Variants in SYN1 observed in about 807,000 individuals in gnomAD.
SYN1 encodes the protein synapsin-1.
A neutral mutation model predicts 44.6 loss-of-function variants in SYN1; 8 were observed. The observed-to-expected ratio is 0.18, with a 90% CI of 0.11 to 0.32. SYN1 has a LOEUF of 0.32. SYN1 is among the 10% of genes least tolerant of loss of function. The probability of loss-of-function intolerance (pLI) is 1.00; values close to 1 mark genes in which losing one functional copy is unlikely to be tolerated. For synonymous variants in SYN1, 275 were observed against 280.1 expected, an observed-to-expected ratio of 0.98 and a Z score of 0.18; for missense variants, 451 against 639.4, an observed-to-expected ratio of 0.71 and a Z score of 3.18.
chrX:47,619,593 G>C lies in SYN1; in HGVS notation c.136C>G (p.Pro46Ala). ...GAHSPGATPG[P>A]GTATAERSSG... The stretch of plus-strand genomic sequence containing the variant: ...GACCTCTCGGCAGTGGCGGTCCCGG[G>C]ACCGGGCGTGGCTCCGGGGCTGTGG... Residue 46 changes from proline to alanine, a missense_variant, in exon 1 of 13, where the codon CCC (proline) becomes GCC (alanine). Transcript: ENST00000295987. 1 of 1,160,823 alleles carries C rather than the reference G, an allele frequency of 8.6e-7. No homozygotes were observed. The highest frequency in any genetic ancestry group is 1.2e-6 in the Non-Finnish European group (1 of 869,384).
At chrX:47,588,305 G>A (rs1603061411) in intron 5 of SYN1, among the ~76,000 whole-genome samples, 2 of 112,914 alleles carry the variant, frequency 1.8e-5, no homozygotes, top group South Asian at 7.2e-4. Flanking sequence ...CCTTGTCAAT[G>A]TTCCCTCAGC....
In SYN1 at chrX:47,574,439, G is replaced by A; in HGVS notation, c.1545C>T (p.Pro515=). The part of the protein sequence containing the change: ...PQRLPSPTSA[P]QQPASQAAPP... ...GCGCGGCCTGGGACGCGGGCTGCTG[G>A]GGCGCTGAGGTGGGACTTGGAAGGC... The change falls in exon 12 of 13, where the codon CCC becomes CCT. Residue 515 remains proline, a synonymous_variant. Transcript: ENST00000295987. The A allele has an allele frequency of 9.5e-7, 1 of 1,047,352 alleles. No homozygotes were observed. 86.3% of individuals were successfully genotyped at this position (1,047,352 alleles called of 1,213,427 possible). A position where few individuals can be genotyped will look rare whatever the true frequency, so the allele number is the denominator to read the frequency against.
At chrX:47,573,112 G>C (rs904821809) in intron 12 of SYN1, 113 bp from the exon 13 acceptor site, 51 of 1,016,784 alleles carry the variant, frequency 5.0e-5, no homozygotes, top group Middle Eastern at 3.5e-4. Flanking sequence ...CTCTGATCCT[G>C]GGGCTGTGCC....
At position 47,619,824 on chromosome X, in the gene SYN1, C is replaced by G. The variant is rs766446885; in HGVS notation, c.-96G>C. 1.1e-6 allele frequency: 1 copy of G among 927,530 alleles called. No individual in the cohort carries two copies. The highest frequency in any genetic ancestry group is 1.5e-6 in the Non-Finnish European group (1 of 683,340). 76.4% of individuals were successfully genotyped at this position (927,530 alleles called of 1,213,427 possible). A position where few individuals can be genotyped will look rare whatever the true frequency, so the allele number is the denominator to read the frequency against. ...CCAGGAGCACAGCTGCGCTCTCAGG[C>G]ACGACACGACTCCTCCGCTGCCCAC... On this transcript the variant is annotated 5_prime_UTR_variant, in exon 1 of 13. Transcript: ENST00000295987.
chrX:47,586,146 T>G (rs2147919572), intron 5 of SYN1: 1 of 941,163 alleles, frequency 1.1e-6, no homozygotes, highest in East Asian at 6.1e-5. Flanking sequence ...TGATGGCCTC[T>G]GAGCCCAGTG....
At chrX:47,593,339 A>G (rs1294943351) in intron 5 of SYN1, among the ~76,000 whole-genome samples, 1 of 105,875 alleles carries the variant, frequency 9.4e-6, no homozygotes, top group African/African-American at 3.5e-5. Flanking sequence ...GCATGATCTC[A>G]GCTCACTCAA....
At chrX:47,614,570 T>C in intron 1 of SYN1, among the ~76,000 whole-genome samples, 1 of 112,215 alleles carries the variant, frequency 8.9e-6, no homozygotes, top group African/African-American at 3.2e-5. Context: ...GGAAATGCCG[T>C]TCCCCAATGG....
At chrX:47,604,001 G>A (rs952128887) in intron 5 of SYN1, among the ~76,000 whole-genome samples, 2 of 105,197 alleles carry the variant, frequency 1.9e-5, no homozygotes, top group East Asian at 2.9e-4. Context: ...TCCGCCTCCC[G>A]GGTTCCAGCG....
In SYN1 at chrX:47,619,118, A is replaced by T. The variant is rs971822062; in HGVS notation, c.377+234T>A. ...TTTTGGGGGAGGGGTAGTAGGGAACAGGTACGCAGCAGGTGCCTGATAATT... is the reference window on the plus strand; with the variant it reads ...TTTTGGGGGAGGGGTAGTAGGGAACTGGTACGCAGCAGGTGCCTGATAATT... On this transcript the variant is annotated intron_variant, in intron 1 of 12. Transcript: ENST00000295987. Among the ~76,000 whole-genome samples, 3 of 110,797 alleles carry T rather than the reference A, an allele frequency of 2.7e-5. No homozygotes were observed. In the East Asian group the frequency reaches 8.5e-4, roughly 31 times the overall value.
chrX:47,597,973 C>A (rs1433330444), intron 5 of SYN1, among the ~76,000 whole-genome samples: 1 of 112,400 alleles, frequency 8.9e-6, no homozygotes, highest in Non-Finnish European at 1.9e-5. Context: ...AAGACATTCA[C>A]AGATAAACAA....
At chrX:47,573,954 C>T (rs1179564581) in intron 12 of SYN1, 48 bp downstream of exon 12, 1 of 1,075,101 alleles carries the variant, frequency 9.3e-7, no homozygotes, top group Non-Finnish European at 1.2e-6. Flanking sequence ...GGGGCAGCGG[C>T]CCGCTTTGTG....
At chrX:47,611,570 A>T (rs745502627) in intron 1 of SYN1, among the ~76,000 whole-genome samples, 1 of 112,065 alleles carries the variant, frequency 8.9e-6, no homozygotes, top group African/African-American at 3.2e-5. Flanking sequence ...GATAATATTC[A>T]TAGATGGTCT....
At chrX:47,593,055 T>A (rs927816392) in intron 5 of SYN1, among the ~76,000 whole-genome samples, 1 of 108,380 alleles carries the variant, frequency 9.2e-6, no homozygotes, top group African/African-American at 3.4e-5. Context: ...TGTGTTTTTT[T>A]TGTTTTGTTT....
intron 11 of SYN1, 26 bp from the exon 12 acceptor site, chrX:47,574,616 C>A (rs760167164): frequency 1.8e-6 from 2 of 1,112,548 alleles, no homozygotes; most frequent in Non-Finnish European, 1.2e-6. Context: ...AGAGAAAGAG[C>A]ACACGTGAGA....
chrX:47,606,281 C>T (rs2057896749), intron 3 of SYN1, among the ~76,000 whole-genome samples: 2 of 100,359 alleles, frequency 2.0e-5, no homozygotes. Flanking sequence ...TTTCATAAGG[C>T]CCAGGTTCTT....
At chrX:47,577,632 G>T in intron 5 of SYN1, 131 bp from the exon 6 acceptor site, 1 of 577,161 alleles carries the variant, frequency 1.7e-6, no homozygotes, top group Non-Finnish European at 2.9e-6. Context: ...ACAGGTCAGA[G>T]ACAGGCAGGC....
intron 9 of SYN1, among the ~76,000 whole-genome samples, chrX:47,575,567 A>G (rs1041379527): frequency 1.8e-5 from 2 of 112,821 alleles, no homozygotes; most frequent in African/African-American, 6.4e-5. Flanking sequence ...GTTGAAAAAA[A>G]TCGAAAGATT....
chrX:47,580,081 T>G (rs927668848), intron 5 of SYN1, among the ~76,000 whole-genome samples: 1 of 110,181 alleles, frequency 9.1e-6, no homozygotes, highest in Non-Finnish European at 1.9e-5. Flanking sequence ...TTGGGTACTC[T>G]TATTATTGGC....
intron 3 of SYN1, among the ~76,000 whole-genome samples, chrX:47,605,901 C>CTT (rs796468221): frequency 9.6e-6 from 1 of 104,430 alleles, no homozygotes. Context: ...ATATTTTTTT[C>CTT]TTTTTTTTTT....
Sources: gnomAD v4.1 joint callset for allele counts (sites outside exome capture counted in the v4.1 genomes callset) on GRCh38, gnomAD v4.1.1 for gene constraint, MANE v1.5 for transcripts, NCBI Gene and HGNC (gene_info 2026-07-23, HGNC 2026-07-21) for gene names.